GRM3: variants seen among roughly 807,000 people sequenced by gnomAD.
The protein encoded by GRM3 is metabotropic glutamate receptor 3.
GRM3 carries 26 observed loss-of-function variants against 70.5 expected under a neutral mutation model. That is an observed-to-expected ratio of 0.37 (90% CI 0.27 to 0.51). GRM3 has a LOEUF of 0.51. Ranked by LOEUF, GRM3 falls within the 20% of genes least tolerant of loss-of-function variation. GRM3 has a pLI of 0.93. For synonymous variants in GRM3, 443 were observed against 434.9 expected (o/e 1.02, Z -0.23); for missense variants, 859 against 1,123.8 (o/e 0.76, Z 3.37).
chr7:86,736,146 CAG>C (rs935830292), intron 1 of GRM3, among the ~76,000 whole-genome samples: 13 of 151,984 alleles, frequency 8.6e-5, no homozygotes, highest in African/African-American at 2.7e-4. Flanking sequence ...CATATGGTAC[CAG>C]AGAGAGCTGG....
At chr7:86,859,914 C>A (rs1584284536) in intron 5 of GRM3, among the ~76,000 whole-genome samples, 1 of 152,144 alleles carries the variant, frequency 6.6e-6, no homozygotes, top group African/African-American at 2.4e-5. Context: ...AACGTTTCAC[C>A]AGTTTGTGAA....
chr7:86,853,752 A>G (rs920604649), intron 5 of GRM3, among the ~76,000 whole-genome samples: 1 of 152,168 alleles, frequency 6.6e-6, no homozygotes, highest in East Asian at 1.9e-4. Context: ...AAACTTCTCC[A>G]TAACTTAAAG....
chr7:86,775,474 G>T (rs896433993), intron 2 of GRM3, among the ~76,000 whole-genome samples: 24 of 151,994 alleles, frequency 1.6e-4, no homozygotes, highest in African/African-American at 5.6e-4. Flanking sequence ...TGGGTAGTTT[G>T]TTCATCTGAT....
Position 86,644,447 on chromosome 7 carries a change from G to A in GRM3, c.-566G>A, listed in dbSNP as rs562633158. On this transcript the variant is annotated 5_prime_UTR_variant, in exon 1 of 6. Transcript: ENST00000361669. Reference sequence around the variant, plus strand: ...TGAAGGAAAGTTGCTTCCGCGCCTAGGAAGTGGGTTTGCCTGATAAGAGAA... The same window carrying A: ...TGAAGGAAAGTTGCTTCCGCGCCTAAGAAGTGGGTTTGCCTGATAAGAGAA... The A allele has an allele frequency of 1.1e-4, 37 of 336,684 alleles. No individual in the cohort carries two copies. Among genetic ancestry groups the A allele is most frequent in the African/African-American group, 7.9e-4 (36 of 45,848 alleles). The allele number at this position is 336,684 out of a possible 1,614,324, so 20.9% of individuals were successfully genotyped here.
At chr7:86,721,106 A>G (rs1410202441) in intron 1 of GRM3, among the ~76,000 whole-genome samples, 1 of 152,062 alleles carries the variant, frequency 6.6e-6, no homozygotes, top group Non-Finnish European at 1.5e-5. Flanking sequence ...CACCTTGTTT[A>G]TGTGATCCCA....
At chr7:86,803,597 C>A (rs1797727150) in intron 3 of GRM3, among the ~76,000 whole-genome samples, 3 of 152,066 alleles carry the variant, frequency 2.0e-5, no homozygotes, top group Admixed American at 1.3e-4. Context: ...ACTAGGAAAA[C>A]CAGAGGCTGC....
At chr7:86,699,052 A>G (rs975646775) in intron 1 of GRM3, among the ~76,000 whole-genome samples, 1 of 152,098 alleles carries the variant, frequency 6.6e-6, no homozygotes, top group African/African-American at 2.4e-5. Flanking sequence ...ACAAAACCAG[A>G]GATTTTAAAG....
At chr7:86,796,124 T>C (rs867175476) in intron 3 of GRM3, among the ~76,000 whole-genome samples, 19 of 152,356 alleles carry the variant, frequency 1.2e-4, no homozygotes, top group African/African-American at 3.8e-4. Flanking sequence ...GTTTTAATCA[T>C]ACAATCTTTG....
chr7:86,747,437 T>C (rs563288826), intron 1 of GRM3, among the ~76,000 whole-genome samples: 11 of 152,270 alleles, frequency 7.2e-5, no homozygotes, highest in Non-Finnish European at 1.6e-4. Context: ...AAAAAGGTTG[T>C]TACATGGGCA....
chr7:86,729,747 T>C (rs930420460), intron 1 of GRM3, among the ~76,000 whole-genome samples: 3 of 152,200 alleles, frequency 2.0e-5, no homozygotes, highest in Admixed American at 2.0e-4. Context: ...ATTTCTCACA[T>C]TGCTTTGATC....
intron 3 of GRM3, among the ~76,000 whole-genome samples, chr7:86,815,065 C>T (rs1399590682): frequency 6.6e-6 from 1 of 151,354 alleles, no homozygotes; most frequent in Non-Finnish European, 1.5e-5. Context: ...CTTTCTCTAA[C>T]CTTTATATTT....
intron 3 of GRM3, among the ~76,000 whole-genome samples, chr7:86,790,144 C>T (rs1204456379): frequency 6.6e-6 from 1 of 151,912 alleles, no homozygotes; most frequent in Non-Finnish European, 1.5e-5. Flanking sequence ...CCCACCCCCA[C>T]CTGCCTTATC....
intron 1 of GRM3, among the ~76,000 whole-genome samples, chr7:86,694,208 T>C (rs117892312): frequency 0.011 from 1,694 of 152,128 alleles, 15 homozygotes; most frequent in Non-Finnish European, 0.017. Context: ...CACTCAGAAA[T>C]GAAGTACAAA....
At position 86,786,673 on chromosome 7, in the gene GRM3, C is replaced by T. The variant is rs1797256879; in HGVS notation, c.881C>T (p.Ser294Phe). 2 of 1,612,152 alleles carry T rather than the reference C, an allele frequency of 1.2e-6. No individual in the cohort carries two copies. The highest frequency in any genetic ancestry group is 4.5e-5 in the East Asian group (2 of 44,880). Residue 294 changes from serine to phenylalanine, a missense_variant, in exon 3 of 6, where the codon TCC becomes TTC. Ser to Phe is a radical substitution (Grantham distance 155). Coordinates refer to ENST00000361669, the MANE Select transcript of GRM3 (RefSeq NM_000840.3). The surrounding 1 kb of genome is among the most constrained non-coding windows in gnomAD (Gnocchi z 6.0). ...GCAGCCGCCAGCCGCGCCAATGCCTCCTTCACCTGGGTGGCCAGCGACGGC... is the reference window on the plus strand; with the variant it reads ...GCAGCCGCCAGCCGCGCCAATGCCTTCTTCACCTGGGTGGCCAGCGACGGC... The part of the protein sequence containing the change: ...LIAAASRANA[S>F]FTWVASDGWG...
rs563836848 is a variant in GRM3, at chr7:86,765,066, C to T, written c.-80C>T. On this transcript the variant is annotated 5_prime_UTR_variant, in exon 2 of 6. Transcript: ENST00000361669. Reference sequence around the variant, plus strand: ...CTTATTTGAAGGACAGGCCAAAGATCCAGTTTGGAAATGAGAGAGGACTAG... The same window carrying T: ...CTTATTTGAAGGACAGGCCAAAGATTCAGTTTGGAAATGAGAGAGGACTAG... 132 of 1,500,226 alleles carry T rather than the reference C, an allele frequency of 8.8e-5. No homozygotes were observed. The South Asian group carries it at 1.7e-3, about 19-fold the overall frequency. The allele number at this position is 1,500,226 out of a possible 1,614,324, so 92.9% of individuals were successfully genotyped here. A position where few individuals can be genotyped will look rare whatever the true frequency, so the allele number is the denominator to read the frequency against.
chr7:86,675,338 A>G (rs1207632326), intron 1 of GRM3, among the ~76,000 whole-genome samples: 2 of 152,088 alleles, frequency 1.3e-5, no homozygotes, highest in Non-Finnish European at 1.5e-5. Context: ...TGCTTAAGTT[A>G]TAAGTCTTTA....
intron 1 of GRM3, among the ~76,000 whole-genome samples, chr7:86,703,671 G>A (rs1442424801): frequency 1.3e-5 from 2 of 151,814 alleles, no homozygotes; most frequent in East Asian, 3.9e-4. Context: ...ATTCCCATCT[G>A]CCTTTGACTA....
intron 2 of GRM3, among the ~76,000 whole-genome samples, chr7:86,782,641 T>G (rs1374411064): frequency 6.6e-6 from 1 of 152,220 alleles, no homozygotes; most frequent in Non-Finnish European, 1.5e-5. Context: ...TCTTCTATGT[T>G]GTATATGGGG....
At chr7:86,802,277 C>A (rs948110395) in intron 3 of GRM3, among the ~76,000 whole-genome samples, 1 of 151,954 alleles carries the variant, frequency 6.6e-6, no homozygotes, top group African/African-American at 2.4e-5. Flanking sequence ...ATTTTCCGCT[C>A]CTGCTTCCTA....
Sources: gnomAD v4.1 joint callset for allele counts (sites outside exome capture counted in the v4.1 genomes callset) on GRCh38, gnomAD v4.1.1 for gene constraint, Gnocchi (gnomAD v3.1) non-coding constraint, MANE v1.5 for transcripts, NCBI Gene and HGNC (gene_info 2026-07-23, HGNC 2026-07-21) for gene names.